Variants in GNAI3 observed in about 807,000 individuals in gnomAD.
The protein encoded by GNAI3 is G protein subunit alpha i3.
In GNAI3, 12 loss-of-function variants were observed where a neutral mutation model predicts 41.8. The observed-to-expected ratio is 0.29, with a 90% CI of 0.18 to 0.47. GNAI3 has a LOEUF of 0.47. Among genes scored for constraint, GNAI3 ranks in the 20% least tolerant of loss-of-function variants. The probability of loss-of-function intolerance (pLI) is 1.00; values close to 1 mark genes in which losing one functional copy is unlikely to be tolerated. For synonymous variants in GNAI3, 132 were observed against 146.5 expected (o/e 0.90, Z 0.71); for missense variants, 360 against 429.6 (o/e 0.84, Z 1.43).
In GNAI3 at chr1:109,586,656, G is replaced by A. The variant is rs1649039641; in HGVS notation, c.721-73G>A. ...CCATTTAGTGCTGCAAAACTTGTTG[G>A]TTTGTCTTTTTCATTAACTTAATCC... On this transcript the variant is annotated intron_variant, in intron 6 of 8. Coordinates refer to ENST00000369851, the MANE Select transcript of GNAI3 (RefSeq NM_006496.4). 37 of 1,115,528 alleles carry A rather than the reference G, an allele frequency of 3.3e-5. No individual in the cohort carries two copies. The South Asian group carries it at 5.4e-4, about 16-fold the overall frequency. The allele number at this position is 1,115,528 out of a possible 1,614,324, so 69.1% of individuals were successfully genotyped here. A position where few individuals can be genotyped will look rare whatever the true frequency, so the allele number is the denominator to read the frequency against.
chr1:109,595,852 C>T lies in GNAI3; in HGVS notation c.*3530C>T, dbSNP rs1313686256. 1.3e-5 allele frequency: 2 copies of T among 152,060 alleles called. No homozygotes were observed. The highest frequency in any genetic ancestry group is 4.8e-5 in the African/African-American group (2 of 41,480). The allele number at this position is 152,060 out of a possible 1,614,324, so 9.4% of individuals were successfully genotyped here. On this transcript the variant is annotated 3_prime_UTR_variant, in exon 9 of 9. Transcript: ENST00000369851. The stretch of plus-strand genomic sequence containing the variant: ...GTTCAAAAAAAAAAAAATAAGCAAC[C>T]CTCTACTCATTTGTATAAACCTAAA...
intron 1 of GNAI3, among the ~76,000 whole-genome samples, chr1:109,565,630 A>G (rs1648430625): frequency 6.6e-6 from 1 of 152,230 alleles, no homozygotes; most frequent in African/African-American, 2.4e-5. Flanking sequence ...CATTCATTTC[A>G]CAGATAGTCA....
At chr1:109,591,651 A>G (rs1404088174) in intron 7 of GNAI3, 1 of 412,150 alleles carries the variant, frequency 2.4e-6, no homozygotes, top group Non-Finnish European at 4.4e-6. Flanking sequence ...TACCCTGTTG[A>G]ATTTTTATTC....
intron 5 of GNAI3, among the ~76,000 whole-genome samples, chr1:109,585,986 G>C (rs1407639319): frequency 6.6e-6 from 1 of 152,044 alleles, no homozygotes; most frequent in South Asian, 2.1e-4. Context: ...TAGAGAAGAG[G>C]CTCAGCTATC....
rs910923883 is a variant in GNAI3 at position 109,597,169 on chromosome 1, A to G, written c.*4847A>G. ...ATTTGAAATGCTCAATCTATATTAA[A>G]GATCAACACAGGCTGAGCACAGTGG... On this transcript the variant is annotated 3_prime_UTR_variant, in exon 9 of 9. Coordinates refer to ENST00000369851, the MANE Select transcript of GNAI3 (RefSeq NM_006496.4). 1 of 152,178 alleles carries G rather than the reference A, an allele frequency of 6.6e-6. No individual in the cohort carries two copies. Among genetic ancestry groups the G allele is most frequent in the African/African-American group, 2.4e-5 (1 of 41,434 alleles). 9.4% of individuals were successfully genotyped at this position (152,178 alleles called of 1,614,324 possible). A position where few individuals can be genotyped will look rare whatever the true frequency, so the allele number is the denominator to read the frequency against.
At chr1:109,577,013 CTG>C (rs1008521546) in intron 3 of GNAI3, among the ~76,000 whole-genome samples, 5 of 52,036 alleles carry the variant, frequency 9.6e-5, no homozygotes, top group African/African-American at 5.0e-4. Context: ...TGGTTTTTTT[CTG>C]TTTTTTTTTT....
At chr1:109,578,425 A>C (rs964638382) in intron 3 of GNAI3, among the ~76,000 whole-genome samples, 4 of 148,530 alleles carry the variant, frequency 2.7e-5, no homozygotes, top group Non-Finnish European at 4.4e-5. Flanking sequence ...AGCCGAGATC[A>C]CATCATTGCA....
intron 1 of GNAI3, among the ~76,000 whole-genome samples, chr1:109,563,695 T>C (rs919900327): frequency 4.6e-5 from 7 of 152,212 alleles, no homozygotes; most frequent in South Asian, 2.1e-4. Context: ...GTGAAGGATA[T>C]GAAACTCAGA....
At chr1:109,570,321 T>G (rs753886742) in intron 1 of GNAI3, among the ~76,000 whole-genome samples, 55 of 152,228 alleles carry the variant, frequency 3.6e-4, no homozygotes, top group Non-Finnish European at 7.1e-4. Flanking sequence ...TGAGAAATAT[T>G]TAGTAAAGAA....
chr1:109,560,232 A>T (rs58152165), intron 1 of GNAI3, among the ~76,000 whole-genome samples: 8,467 of 152,228 alleles, frequency 0.056, 770 homozygotes, highest in African/African-American at 0.19. Flanking sequence ...TTGCCAAGTC[A>T]TGTTTTCAGA....
intron 1 of GNAI3, among the ~76,000 whole-genome samples, chr1:109,556,477 T>C (rs1648157478): frequency 6.6e-6 from 1 of 152,176 alleles, no homozygotes; most frequent in Non-Finnish European, 1.5e-5. Context: ...TGAAGAGTCT[T>C]TTGGTTCCTT....
In GNAI3 at chr1:109,586,867, T is replaced by G. The variant is rs1247237265; in HGVS notation, c.859T>G (p.Tyr287Asp). ...AAAGAGGAGTCCGTTAACTATCTGT[T>G]ATCCAGAATACACAGGTAAGGGGTT... The part of the protein sequence containing the change: ...KIKRSPLTIC[Y>D]PEYTGSNTYE... The change falls in exon 7 of 9, where the codon TAT becomes GAT. Residue 287 changes from tyrosine (Y) to aspartate (D), a missense_variant. Coordinates refer to ENST00000369851, the MANE Select transcript of GNAI3 (RefSeq NM_006496.4). 6.3e-7 allele frequency: 1 copy of G among 1,599,530 alleles called. No homozygotes were observed. Among genetic ancestry groups the G allele is most frequent in the Non-Finnish European group, 8.6e-7 (1 of 1,167,252 alleles).
At chr1:109,567,498 T>A (rs1248722703) in intron 1 of GNAI3, among the ~76,000 whole-genome samples, 1 of 152,134 alleles carries the variant, frequency 6.6e-6, no homozygotes. Flanking sequence ...GAAGAGAATA[T>A]TTTTGTTCTT....
intron 7 of GNAI3, among the ~76,000 whole-genome samples, chr1:109,588,743 A>AT (rs1259603064): frequency 1.3e-5 from 2 of 151,964 alleles, no homozygotes; most frequent in Non-Finnish European, 2.9e-5. Flanking sequence ...AAATAGAAAA[A>AT]TTAGCTGGGC....
At chr1:109,562,320 T>C (rs1648332158) in intron 1 of GNAI3, among the ~76,000 whole-genome samples, 2 of 152,184 alleles carry the variant, frequency 1.3e-5, no homozygotes, top group Admixed American at 1.3e-4. Context: ...AGAATGTGTG[T>C]AGGTTATATG....
chr1:109,591,112 C>T (rs1649160797), intron 7 of GNAI3, among the ~76,000 whole-genome samples: 3 of 152,092 alleles, frequency 2.0e-5, no homozygotes, highest in African/African-American at 4.8e-5. Context: ...ACAGGCTTTG[C>T]TTTTGGTTCC....
chr1:109,577,823 C>T (rs1157853947), intron 3 of GNAI3, among the ~76,000 whole-genome samples: 2 of 152,162 alleles, frequency 1.3e-5, no homozygotes, highest in Non-Finnish European at 2.9e-5. Context: ...TCTGGTAATT[C>T]ACAAGTCTTT....
rs759084420 is a variant in GNAI3, at chr1:109,579,207, G to T, written c.307G>T (p.Asp103Tyr). 1 of 1,611,054 alleles carries T rather than the reference G, an allele frequency of 6.2e-7. No homozygotes were observed. Among genetic ancestry groups the T allele is most frequent in the South Asian group, 1.1e-5 (1 of 90,536 alleles). Residue 103 changes from aspartate (D) to tyrosine (Y), a missense_variant, in exon 4 of 9, where the codon GAT becomes TAT. Asp to Tyr is a radical substitution (Grantham distance 160, BLOSUM62 -3). Transcript: ENST00000369851. The part of the protein sequence containing the change: ...IDFGEAARAD[D>Y]ARQLFVLAGS... ...CTTTCTTAACTGCTTTCTTCAGGAT[G>T]ATGCCCGGCAATTATTTGTTTTAGC... is the stretch of plus-strand genomic sequence containing the variant.
At chr1:109,578,054 T>C (rs1424511230) in intron 3 of GNAI3, among the ~76,000 whole-genome samples, 1 of 152,226 alleles carries the variant, frequency 6.6e-6, no homozygotes, top group Non-Finnish European at 1.5e-5. Flanking sequence ...CCGTGAGACC[T>C]GTGTTTAATT....
Sources: gnomAD v4.1 joint callset for allele counts (sites outside exome capture counted in the v4.1 genomes callset) on GRCh38, gnomAD v4.1.1 for gene constraint, MANE v1.5 for transcripts, NCBI Gene and HGNC (gene_info 2026-07-23, HGNC 2026-07-21) for gene names.